Variants in CFH observed in about 807,000 individuals in gnomAD.
The protein encoded by CFH is complement factor H.
Under a neutral mutation model 147.3 loss-of-function variants are expected in CFH, and 53 were observed. The observed-to-expected ratio is 0.36, with a 90% confidence interval of 0.29 to 0.45. The LOEUF is 0.45. Ranked by LOEUF, CFH falls within the 20% of genes least tolerant of loss-of-function variation. CFH has a pLI of 1.00. For synonymous variants in CFH, 536 were observed against 489.4 expected (o/e 1.10, Z -1.26); for missense variants, 1,380 against 1,498.0 (o/e 0.92, Z 1.30).
chr1:196,684,875 CA>C (rs1667771928), intron 6 of CFH, among the ~76,000 whole-genome samples, 188 bp from the exon 7 acceptor site: 4 of 151,852 alleles, frequency 2.6e-5, no homozygotes, highest in Non-Finnish European at 4.4e-5. Context: ...ACAAATATGT[CA>C]GATGAGAATA....
intron 1 of CFH, among the ~76,000 whole-genome samples, chr1:196,652,854 T>C (rs917941018): frequency 6.6e-6 from 1 of 151,872 alleles, no homozygotes. Context: ...TTTTCTGACC[T>C]CAGTAAGACA....
chr1:196,704,897 G>C (rs1668549197), intron 9 of CFH, among the ~76,000 whole-genome samples: 1 of 152,316 alleles, frequency 6.6e-6, no homozygotes, highest in South Asian at 2.1e-4. Context: ...ACTTTAACCA[G>C]TGAGTTGTAC....
chr1:196,733,963 A>G (rs1453732690), intron 15 of CFH, among the ~76,000 whole-genome samples: 1 of 152,038 alleles, frequency 6.6e-6, no homozygotes, highest in Non-Finnish European at 1.5e-5. Flanking sequence ...TAAGGAATGA[A>G]GTTTCTGGAA....
chr1:196,666,541 CTTTGGGAGGCCGAGGTGGGCGGATCACT>C (rs1667093175), intron 1 of CFH, among the ~76,000 whole-genome samples: 2 of 151,724 alleles, frequency 1.3e-5, no homozygotes, highest in African/African-American at 2.4e-5. Context: ...AATCTCAGCA[CTTTGGGAGGCCGAGGTGGGCGGATCACT>C]TTTGGGAGGC....
chr1:196,658,250 T>G (rs1240303221), intron 1 of CFH, among the ~76,000 whole-genome samples: 1 of 151,854 alleles, frequency 6.6e-6, no homozygotes, highest in East Asian at 1.9e-4. Flanking sequence ...TTGTTTAGTA[T>G]TATTCTTACT....
chr1:196,744,746 C>G (rs189261059), intron 20 of CFH, among the ~76,000 whole-genome samples: 4 of 152,206 alleles, frequency 2.6e-5, no homozygotes, highest in East Asian at 1.9e-4. Flanking sequence ...AAAAGATATC[C>G]TGTTATATTG....
In CFH at chr1:196,741,922, G is replaced by C. The variant is rs201816520; in HGVS notation, c.3004G>C (p.Gly1002Arg). 224 of 1,614,032 alleles carry C rather than the reference G, an allele frequency of 1.4e-4. No homozygotes were observed. The highest frequency in any genetic ancestry group is 1.8e-4 in the Non-Finnish European group (214 of 1,180,012). The change falls in exon 19 of 22, where the codon GGA (glycine) becomes CGA (arginine). Residue 1002 changes from glycine to arginine, a missense_variant. By Grantham distance (125) the Gly-to-Arg change is moderately radical. Around this residue, in one of 4 missense-constraint regions of CFH, gnomAD observed 830 missense variants for 821.4 expected, o/e 1.01. Coordinates refer to ENST00000367429, the MANE Select transcript of CFH (RefSeq NM_000186.4). ...TAGCTTTGAAAATGCCATACCCATG[G>C]GAGAGAAGAAGGATGTGTATAAGGC... ...LPSFENAIPM[G>R]EKKDVYKAGE... is the part of the protein sequence containing the mutation.
Position 196,697,068 on chromosome 1 carries a change from G to A in CFH, c.1336+6829G>A, listed in dbSNP as rs560711151. Among the ~76,000 whole-genome samples the A allele has an allele frequency of 5.3e-5, 8 of 151,818 alleles. No homozygotes were observed. The East Asian group carries it at 7.8e-4, about 15-fold the overall frequency. On this transcript the variant is annotated intron_variant, in intron 9 of 21. Coordinates refer to ENST00000367429, the MANE Select transcript of CFH (RefSeq NM_000186.4). The stretch of plus-strand genomic sequence containing the variant: ...ATAAAAACCCTAGAAGAAAACCTAG[G>A]CAATACCATTCAGGACATAGGCATG...
intron 8 of CFH, 144 bp downstream of exon 8, chr1:196,689,758 T>A: frequency 1.1e-6 from 1 of 891,910 alleles, no homozygotes; most frequent in Non-Finnish European, 1.7e-6. Context: ...CCAAAATAGA[T>A]CTTTTCTATT....
At chr1:196,654,945 A>T (rs1049173688) in intron 1 of CFH, among the ~76,000 whole-genome samples, 7 of 152,076 alleles carry the variant, frequency 4.6e-5, no homozygotes, top group Non-Finnish European at 8.8e-5. Context: ...AGATAGTAGT[A>T]TGTGTATTTA....
chr1:196,747,385 T>C lies in CFH; in HGVS notation c.*72T>C. 1 of 1,593,518 alleles carries C rather than the reference T, an allele frequency of 6.3e-7. No homozygotes were observed. The highest frequency in any genetic ancestry group is 8.6e-7 in the Non-Finnish European group (1 of 1,164,068). Reference sequence around the variant, plus strand: ...TCAGTTCTCAATTTCATTTTTTATGTATTGTTTTACTCCTTTTTATTCATA... The same window carrying C: ...TCAGTTCTCAATTTCATTTTTTATGCATTGTTTTACTCCTTTTTATTCATA... On this transcript the variant is annotated 3_prime_UTR_variant, in exon 22 of 22. Coordinates refer to ENST00000367429, the MANE Select transcript of CFH (RefSeq NM_000186.4).
chr1:196,735,045 G>T (rs1669368953), intron 15 of CFH, among the ~76,000 whole-genome samples: 2 of 151,988 alleles, frequency 1.3e-5, no homozygotes, highest in South Asian at 4.1e-4. Flanking sequence ...AAACTTTAAA[G>T]CTCTATTCTT....
intron 7 of CFH, among the ~76,000 whole-genome samples, chr1:196,685,978 G>A (rs1263078917): frequency 6.6e-6 from 1 of 152,106 alleles, no homozygotes; most frequent in East Asian, 1.9e-4. Context: ...ATGGCTGGGA[G>A]GCCTTAGGAA....
intron 1 of CFH, among the ~76,000 whole-genome samples, chr1:196,667,332 T>A (rs564441533): frequency 3.1e-4 from 47 of 152,332 alleles, no homozygotes; most frequent in African/African-American, 1.1e-3. Context: ...AAGATGTGTA[T>A]AATTGGCTCC....
chr1:196,744,120 A>G (rs1652917990), intron 20 of CFH, among the ~76,000 whole-genome samples: 1 of 152,152 alleles, frequency 6.6e-6, no homozygotes, highest in Non-Finnish European at 1.5e-5. Flanking sequence ...AGGGAAACCA[A>G]AAAAGGAAAT....
At chr1:196,687,190 A>G (rs890596378) in intron 7 of CFH, among the ~76,000 whole-genome samples, 13 of 152,112 alleles carry the variant, frequency 8.5e-5, no homozygotes, top group African/African-American at 2.7e-4. Context: ...ATTTTTATCA[A>G]TTTTAAGATC....
Position 196,669,602 on chromosome 1 carries a change from G to A in CFH, c.59-3376G>A, listed in dbSNP as rs145955744. On this transcript the variant is annotated intron_variant, in intron 1 of 21. Transcript: ENST00000367429. ...CCTAAGCCTTGGCAGCTTCCACATG[G>A]TGTTGGTCCTGTGGGTACACAGAAT... Among the ~76,000 whole-genome samples, 534 of 152,334 alleles carry A rather than the reference G, an allele frequency of 3.5e-3. 5 individuals carry two copies. Among genetic ancestry groups the A allele is most frequent in the African/African-American group, 0.012 (506 of 41,578 alleles).
chr1:196,746,909 C>A (rs1653028624), intron 21 of CFH, among the ~76,000 whole-genome samples: 1 of 152,128 alleles, frequency 6.6e-6, no homozygotes, highest in South Asian at 2.1e-4. Context: ...AATTCTCATA[C>A]ATTAAACATC....
chr1:196,699,864 T>C (rs1668398925), intron 9 of CFH, among the ~76,000 whole-genome samples: 1 of 152,198 alleles, frequency 6.6e-6, no homozygotes. Flanking sequence ...GGACAATCAA[T>C]GGTAATCATT....
Sources: allele counts gnomAD v4.1 joint callset (sites outside exome capture counted in the v4.1 genomes callset), GRCh38; gene constraint gnomAD v4.1.1; regional missense constraint gnomAD v4.1.1; transcripts MANE v1.5; gene names NCBI Gene and HGNC (gene_info 2026-07-23, HGNC 2026-07-21).